The following PUDP variants were observed in gnomAD, a reference collection of about 807,000 sequenced individuals.
The protein encoded by PUDP is pseudouridine 5'-phosphatase.
A neutral mutation model predicts 9.4 loss-of-function variants in PUDP; 8 were observed. That is an observed-to-expected ratio of 0.85 (90% confidence interval 0.50 to 1.53). PUDP has a LOEUF of 1.53. PUDP is among the 40% of genes most tolerant of loss of function. The pLI, the probability that PUDP is intolerant of heterozygous loss-of-function variation, is 0.00. For missense variants in PUDP, 188 were observed against 189.7 expected, an observed-to-expected ratio of 0.99 and a Z score of 0.05; for synonymous variants, 99 against 80.7, an observed-to-expected ratio of 1.23 and a Z score of -1.22.
At chrX:7,147,462 C>A (rs954841727) in intron 1 of PUDP, among the ~76,000 whole-genome samples, 3 of 111,844 alleles carry the variant, frequency 2.7e-5, no homozygotes, top group Non-Finnish European at 5.7e-5. Context: ...TCACTCCTCG[C>A]CAGCTGTGAC....
Position 6,941,158 on chromosome X carries a change from G to A in PUDP, c.*247+35975C>T, listed in dbSNP as rs147278102. 5.2e-3 allele frequency among the ~76,000 whole-genome samples: 573 copies of A among 110,402 alleles called. 2 individuals carry two copies. Among genetic ancestry groups the A allele is most frequent in the African/African-American group, 0.018 (539 of 30,369 alleles). On this transcript the variant is annotated intron_variant and NMD_transcript_variant, in intron 3 of 3. Coordinates refer to the PUDP transcript ENST00000655425. ...TAATCAATGGATAAATGTTGATTGTGTATCTACTATGTACCTAATGTGACA... is the reference window on the plus strand; with the variant it reads ...TAATCAATGGATAAATGTTGATTGTATATCTACTATGTACCTAATGTGACA...
intron 3 of PUDP, among the ~76,000 whole-genome samples, chrX:6,929,940 G>T (rs1344090915): frequency 1.8e-5 from 2 of 111,224 alleles, no homozygotes; most frequent in African/African-American, 6.6e-5. Flanking sequence ...ATAGGGCTGT[G>T]TTACTGAGAA....
At chrX:6,919,406 T>C (rs1927983616) in intron 3 of PUDP, among the ~76,000 whole-genome samples, 1 of 111,385 alleles carries the variant, frequency 9.0e-6, no homozygotes, top group Non-Finnish European at 1.9e-5. Context: ...CCTGGAGGGC[T>C]GTTATTTGGC....
intron 3 of PUDP, among the ~76,000 whole-genome samples, chrX:6,872,871 A>T (rs1927196918): frequency 9.0e-6 from 1 of 110,784 alleles, no homozygotes; most frequent in Non-Finnish European, 1.9e-5. Flanking sequence ...ATTAGGGGGA[A>T]GATCTAGCGA....
intron 3 of PUDP, among the ~76,000 whole-genome samples, chrX:6,810,525 C>G (rs766373707): frequency 1.8e-4 from 20 of 111,736 alleles, no homozygotes; most frequent in Non-Finnish European, 3.8e-4. Context: ...TGGAAAAATT[C>G]TAGACAAAAC....
At chrX:7,127,384 A>G (rs1265996610) in intron 1 of PUDP, among the ~76,000 whole-genome samples, 2 of 112,433 alleles carry the variant, frequency 1.8e-5, no homozygotes, top group Non-Finnish European at 3.7e-5. Context: ...GTCAAACTAC[A>G]TGAAAGATAT....
At chrX:6,868,211 T>C (rs1927119414) in intron 3 of PUDP, among the ~76,000 whole-genome samples, 1 of 111,494 alleles carries the variant, frequency 9.0e-6, no homozygotes, top group South Asian at 3.8e-4. Context: ...AAATAACAGC[T>C]ATATACACTA....
chrX:7,083,183 G>A (rs1177579478), intron 2 of PUDP, among the ~76,000 whole-genome samples: 1 of 111,949 alleles, frequency 8.9e-6, no homozygotes, highest in Non-Finnish European at 1.9e-5. Flanking sequence ...AGAAGTTGCT[G>A]AGTTTTCAGT....
intron 3 of PUDP, among the ~76,000 whole-genome samples, chrX:6,779,890 G>T: frequency 9.0e-6 from 1 of 111,169 alleles, no homozygotes; most frequent in Non-Finnish European, 1.9e-5. Context: ...TCACGCCACT[G>T]CACTCTAGCC....
chrX:7,007,175 T>A (rs767742950), intron 1 of PUDP, among the ~76,000 whole-genome samples: 9 of 110,471 alleles, frequency 8.1e-5, no homozygotes, highest in Non-Finnish European at 1.7e-4. Context: ...TTTATATAGC[T>A]GGGAAGGGAG....
intron 3 of PUDP, among the ~76,000 whole-genome samples, chrX:7,062,993 T>C (rs1430503686): frequency 3.7e-5 from 4 of 107,388 alleles, no homozygotes; most frequent in Non-Finnish European, 7.7e-5. Context: ...TTAATTCAGA[T>C]GGGTTGGTTA....
rs137859931 is a variant in PUDP, at chrX:6,797,187, A to C, written c.*248-90721T>G. ...TGTTGGCAGTGGTATCAAATTATGG[A>C]AGAAAATCATTAGGCCATATGGAAT... On this transcript the variant is annotated intron_variant and NMD_transcript_variant, in intron 3 of 3. Coordinates refer to the PUDP transcript ENST00000655425. Among the ~76,000 whole-genome samples, 455 of 111,681 alleles carry C rather than the reference A, an allele frequency of 4.1e-3. 2 individuals are homozygous for C. Among genetic ancestry groups the C allele is most frequent in the African/African-American group, 0.014 (422 of 30,733 alleles).
chrX:6,718,282 A>G (rs990842656), intron 1 of PUDP, among the ~76,000 whole-genome samples: 3 of 112,052 alleles, frequency 2.7e-5, no homozygotes, highest in African/African-American at 9.7e-5. Context: ...CATCAAAAAG[A>G]TGCTTGCACT....
chrX:6,717,379 G>A (rs997032211), intron 1 of PUDP, among the ~76,000 whole-genome samples: 5 of 111,350 alleles, frequency 4.5e-5, no homozygotes, highest in Admixed American at 9.5e-5. Context: ...ATCAAAGCTT[G>A]CTGCTCTGGG....
At chrX:7,099,165 G>C (rs181187353) in intron 2 of PUDP, among the ~76,000 whole-genome samples, 3 of 112,538 alleles carry the variant, frequency 2.7e-5, no homozygotes, top group Admixed American at 1.9e-4. Flanking sequence ...AATTACCCTC[G>C]CTGAGTTATA....
intron 3 of PUDP, among the ~76,000 whole-genome samples, chrX:6,866,756 C>T (rs146375830): frequency 0.024 from 2,710 of 112,147 alleles, 90 homozygotes; most frequent in African/African-American, 0.084. Flanking sequence ...AGAACATTCA[C>T]TGTAGTGGTC....
intron 3 of PUDP, among the ~76,000 whole-genome samples, chrX:7,061,937 C>T: frequency 8.9e-6 from 1 of 111,893 alleles, no homozygotes; most frequent in Non-Finnish European, 1.9e-5. Context: ...ATTACTCAAG[C>T]TCGTGTTGGG....
intron 3 of PUDP, among the ~76,000 whole-genome samples, chrX:7,073,377 T>G (rs1930802548): frequency 8.9e-6 from 1 of 112,420 alleles, no homozygotes. Flanking sequence ...ACTACTTTCC[T>G]ATGACTACTA....
chrX:6,807,766 T>A (rs961359671), intron 3 of PUDP, among the ~76,000 whole-genome samples: 1 of 112,256 alleles, frequency 8.9e-6, no homozygotes, highest in African/African-American at 3.2e-5. Flanking sequence ...TAGACTGTGC[T>A]CAACGTTTGC....
Sources: gnomAD v4.1 joint callset for allele counts (sites outside exome capture counted in the v4.1 genomes callset) on GRCh38, gnomAD v4.1.1 for gene constraint, MANE v1.5 for transcripts, NCBI Gene and HGNC (gene_info 2026-07-23, HGNC 2026-07-21) for gene names.